Variants in DCK observed in about 807,000 individuals in gnomAD.
The protein encoded by DCK is deoxycytidine kinase.
A neutral mutation model predicts 38.3 loss-of-function variants in DCK; 23 were observed. The observed-to-expected ratio is 0.60, with a 90% CI of 0.43 to 0.85. DCK has a LOEUF of 0.85. Among genes scored for constraint, DCK ranks in the 40% least tolerant of loss-of-function variants. The pLI, the probability that DCK is intolerant of heterozygous loss-of-function variation, is 0.00. For missense variants in DCK, 259 were observed against 304.4 expected (o/e 0.85, Z 1.11); for synonymous variants, 108 against 100.6 (o/e 1.07, Z -0.44).
At chr4:71,019,310 A>G (rs541709676) in intron 2 of DCK, among the ~76,000 whole-genome samples, 4 of 152,338 alleles carry the variant, frequency 2.6e-5, no homozygotes, top group Middle Eastern at 3.4e-3. Context: ...TAAACTTTGA[A>G]ATTGCTTTGG....
chr4:71,004,354 C>T (rs964711828), intron 2 of DCK, among the ~76,000 whole-genome samples: 1 of 152,076 alleles, frequency 6.6e-6, no homozygotes, highest in East Asian at 1.9e-4. Context: ...GGGGCACCTG[C>T]CAGAGGCTAG....
At chr4:71,007,465 A>G (rs1411252509) in intron 2 of DCK, among the ~76,000 whole-genome samples, 1 of 151,850 alleles carries the variant, frequency 6.6e-6, no homozygotes, top group African/African-American at 2.4e-5. Flanking sequence ...CTACGTTACT[A>G]CTCCGCTAGG....
intron 2 of DCK, among the ~76,000 whole-genome samples, chr4:71,002,679 C>T (rs1219933245): frequency 3.3e-5 from 5 of 151,986 alleles, no homozygotes; most frequent in East Asian, 1.9e-4. Flanking sequence ...ATAGTTAGCT[C>T]TTGTTGTTGC....
intron 4 of DCK, among the ~76,000 whole-genome samples, chr4:71,024,715 A>T (rs955628250): frequency 6.6e-6 from 1 of 152,042 alleles, no homozygotes; most frequent in Admixed American, 6.6e-5. Context: ...TTTATTTTTG[A>T]ATTTTTTTGT....
At chr4:71,022,297 C>G (rs1740444121) in intron 2 of DCK, 70 bp from the exon 3 acceptor site, 2 of 800,380 alleles carry the variant, frequency 2.5e-6, no homozygotes, top group African/African-American at 3.6e-5. Flanking sequence ...TATTTTTTAG[C>G]CTTAAAAATT....
intron 2 of DCK, among the ~76,000 whole-genome samples, chr4:71,014,946 C>G: frequency 6.6e-6 from 1 of 152,114 alleles, no homozygotes; most frequent in South Asian, 2.1e-4. Flanking sequence ...GAAATAGAGA[C>G]ACAAAAAACC....
intron 2 of DCK, among the ~76,000 whole-genome samples, chr4:71,018,182 A>G (rs1248801740): frequency 1.5e-5 from 2 of 137,242 alleles, no homozygotes; most frequent in Admixed American, 1.7e-4. Flanking sequence ...GCTGGAGTGC[A>G]GTGGCGCCAT....
intron 1 of DCK, among the ~76,000 whole-genome samples, chr4:70,994,875 C>G (rs1208597305): frequency 6.6e-6 from 1 of 152,194 alleles, no homozygotes; most frequent in Non-Finnish European, 1.5e-5. Flanking sequence ...TTGCAAGATA[C>G]ACACCAACGT....
chr4:71,012,051 CAA>C (rs1349815668), intron 2 of DCK, among the ~76,000 whole-genome samples: 1 of 152,106 alleles, frequency 6.6e-6, no homozygotes, highest in East Asian at 1.9e-4. Flanking sequence ...TAGAAATTAT[CAA>C]AAGAGGGGAC....
intron 2 of DCK, among the ~76,000 whole-genome samples, chr4:71,010,837 A>G (rs1740072567): frequency 6.6e-6 from 1 of 151,682 alleles, no homozygotes; most frequent in African/African-American, 2.4e-5. Flanking sequence ...AATACTTCTT[A>G]CCACTAATAA....
At position 70,998,160 on chromosome 4, in the gene DCK, A is replaced by G; in HGVS notation, c.185A>G (p.Gln62Arg). 1.3e-6 allele frequency: 2 copies of G among 1,584,496 alleles called. No homozygotes were observed. Among genetic ancestry groups the G allele is most frequent in the Admixed American group, 3.4e-5 (2 of 58,366 alleles). ...PEPVARWCNV[Q>R]STQDEFEELT... ...CCTGTTGCCAGATGGTGCAATGTTC[A>G]AAGTACTCAAGATGAATTTGAGGTA... Residue 62 changes from glutamine to arginine, a missense_variant, in exon 2 of 7, where the codon CAA becomes CGA. By Grantham distance (43) the Gln-to-Arg change is conservative. This residue lies in a region of DCK where 159 missense variants were observed against 159.0 expected (regional missense o/e 1.00). Transcript: ENST00000286648.
intron 2 of DCK, among the ~76,000 whole-genome samples, chr4:71,021,564 A>G (rs1214676177): frequency 4.6e-5 from 7 of 152,206 alleles, no homozygotes; most frequent in Non-Finnish European, 1.0e-4. Context: ...TAAAGGGGCC[A>G]GACAGCCAAA....
chr4:70,994,657 G>T (rs949225617), intron 1 of DCK, among the ~76,000 whole-genome samples: 1 of 152,078 alleles, frequency 6.6e-6, no homozygotes, highest in Non-Finnish European at 1.5e-5. Flanking sequence ...CAGTTTTTTA[G>T]CTATATTATT....
At chr4:71,002,483 T>G (rs950997644) in intron 2 of DCK, among the ~76,000 whole-genome samples, 1 of 152,206 alleles carries the variant, frequency 6.6e-6, no homozygotes, top group Non-Finnish European at 1.5e-5. Flanking sequence ...TCAGGTCTGC[T>G]TGGTCCAGAG....
intron 2 of DCK, among the ~76,000 whole-genome samples, chr4:71,018,588 A>G (rs867661410): frequency 1.1e-4 from 17 of 150,708 alleles, no homozygotes; most frequent in Non-Finnish European, 2.2e-4. Context: ...CATATTTTTT[A>G]TCTGGATAGT....
chr4:70,998,661 C>T (rs895811020), intron 2 of DCK, among the ~76,000 whole-genome samples: 15 of 152,096 alleles, frequency 9.9e-5, no homozygotes, highest in African/African-American at 3.6e-4. Context: ...TGGTGGCTCA[C>T]GCTTGTAATC....
chr4:71,026,500 C>T (rs1232058923), intron 5 of DCK, among the ~76,000 whole-genome samples, 165 bp from the exon 6 acceptor site: 1 of 152,040 alleles, frequency 6.6e-6, no homozygotes, highest in Non-Finnish European at 1.5e-5. Context: ...TATGGTAAAT[C>T]TAGATGAGAA....
rs554741808 is a variant in DCK, at chr4:71,025,174, G to A, written c.550-642G>A. Among the ~76,000 whole-genome samples the A allele has an allele frequency of 4.2e-4, 64 of 152,080 alleles. 1 individual carries two copies. The highest frequency in any genetic ancestry group is 3.4e-3 in the Middle Eastern group (1 of 294). ...TATGTATGTGTGCTTTTGGGGGACC[G>A]TTATCTAGAGCTGCACTGTCCAATG... On this transcript the variant is annotated intron_variant, in intron 4 of 6. Transcript: ENST00000286648.
At chr4:70,994,441 G>A (rs1739613586) in intron 1 of DCK, among the ~76,000 whole-genome samples, 1 of 152,120 alleles carries the variant, frequency 6.6e-6, no homozygotes, top group African/African-American at 2.4e-5. Context: ...CCCTGCAAGT[G>A]TTGCCTTTTC....
Sources: gnomAD v4.1 joint callset for allele counts (sites outside exome capture counted in the v4.1 genomes callset) on GRCh38, gnomAD v4.1.1 for gene constraint, gnomAD v4.1.1 regional missense constraint, MANE v1.5 for transcripts, NCBI Gene and HGNC (gene_info 2026-07-23, HGNC 2026-07-21) for gene names.